Variants in AHNAK observed in about 807,000 individuals in gnomAD.
The protein encoded by AHNAK is neuroblast differentiation-associated protein AHNAK.
In AHNAK, 23 loss-of-function variants were observed where a neutral mutation model predicts 37.8. That is an observed-to-expected ratio of 0.61 (90% CI 0.44 to 0.86). AHNAK has a LOEUF of 0.86. Ranked by LOEUF, AHNAK falls within the 40% of genes least tolerant of loss-of-function variation. AHNAK has a pLI of 0.00. For synonymous variants in AHNAK, 2,481 were observed against 2,636.3 expected (o/e 0.94, Z 1.80); for missense variants, 7,411 against 7,319.4 (o/e 1.01, Z -0.46).
At chr11:62,450,977 G>A (rs1462584074) in intron 5 of AHNAK, among the ~76,000 whole-genome samples, 1 of 151,800 alleles carries the variant, frequency 6.6e-6, no homozygotes, top group Non-Finnish European at 1.5e-5. Flanking sequence ...AGGCCAAGGC[G>A]GGAGGAGAAG....
Position 62,517,056 on chromosome 11 carries a change from T to C in AHNAK, c.17361A>G (p.Arg5787=). 6.2e-7 allele frequency: 1 copy of C among 1,614,204 alleles called. No homozygotes were observed. The change falls in exon 5 of 5, where the codon AGA becomes AGG. Residue 5787 remains arginine, a synonymous_variant. Coordinates refer to ENST00000378024, the MANE Select transcript of AHNAK (RefSeq NM_001620.3). ...RHRSNSFSDE[R]EFSGPSTPTG... is the part of the protein sequence containing the mutation. ...TCGGGGTGGAAGGTCCAGAGAACTC[T>C]CTTTCATCACTGAATGAATTTGAGC...
intron 5 of AHNAK, among the ~76,000 whole-genome samples, chr11:62,454,868 C>CGGCA (rs1352825306): frequency 2.0e-5 from 3 of 152,014 alleles, no homozygotes; most frequent in Non-Finnish European, 2.9e-5. Context: ...AAGTTGAGAA[C>CGGCA]CCACACCTTC....
intron 5 of AHNAK, among the ~76,000 whole-genome samples, chr11:62,455,877 A>C (rs985568458): frequency 6.7e-6 from 1 of 149,794 alleles, no homozygotes; most frequent in Non-Finnish European, 1.5e-5. Context: ...AAAAAAAAAA[A>C]AACTATACAA....
At position 62,529,008 on chromosome 11, in the gene AHNAK, C is replaced by A. The variant is rs1940621084; in HGVS notation, c.5409G>T (p.Val1803=). Residue 1803 remains valine (V), a synonymous_variant, in exon 5 of 5, where the codon GTG becomes GTT. Transcript: ENST00000378024. ...PKLKGEIDAS[V]PELEGDLRGP... is the part of the protein sequence containing the mutation. ...CTCTGAGATCACCTTCCAGTTCTGG[C>A]ACAGAAGCATCTATCTCTCCCTTCA... 1.9e-6 allele frequency: 3 copies of A among 1,614,060 alleles called. No individual in the cohort carries two copies. Among genetic ancestry groups the A allele is most frequent in the African/African-American group, 1.3e-5 (1 of 74,910 alleles).
At position 62,477,496 on chromosome 11, in the gene AHNAK, A is replaced by AC. The variant is rs373091364; in HGVS notation, c.442+14235dup. Among the ~76,000 whole-genome samples, 339 of 152,204 alleles carry AC rather than the reference A, an allele frequency of 2.2e-3. 1 individual carries two copies. The highest frequency in any genetic ancestry group is 7.6e-3 in the African/African-American group (315 of 41,516). ...ACCTATGTAGCAAACATTCACATGC[A>AC]CCCCCGAACCTAAAATAAAAGTTAT... On this transcript the variant is annotated intron_variant, in intron 5 of 5. Transcript: ENST00000257247.
intron 4 of AHNAK, among the ~76,000 whole-genome samples, chr11:62,494,693 C>T (rs1351020878): frequency 6.6e-6 from 1 of 151,966 alleles, no homozygotes; most frequent in Non-Finnish European, 1.5e-5. Context: ...ATGGCGAAAC[C>T]TTGTCTCCAC....
intron 4 of AHNAK, among the ~76,000 whole-genome samples, chr11:62,510,440 A>G (rs533143051): frequency 3.5e-4 from 53 of 152,226 alleles, no homozygotes; most frequent in Admixed American, 7.9e-4. Flanking sequence ...GATTCAGCAA[A>G]AGTAATGATA....
intron 5 of AHNAK, among the ~76,000 whole-genome samples, chr11:62,464,187 C>T (rs1565202995): frequency 6.6e-6 from 1 of 151,824 alleles, no homozygotes; most frequent in Non-Finnish European, 1.5e-5. Flanking sequence ...GCCACCATAC[C>T]CTGCTAATCT....
chr11:62,533,514 A>G lies in AHNAK; in HGVS notation c.903T>C (p.His301=). Residue 301 remains histidine (H), a synonymous_variant, in exon 5 of 5, where the codon CAT becomes CAC. Transcript: ENST00000378024. ...VQGPSLESGD[H]GKIKFPTMKV... ...TCATGGTGGGAAATTTAATTTTGCC[A>G]TGATCACCACTCTCCAGAGATGGGC... 1 of 1,614,104 alleles carries G rather than the reference A, an allele frequency of 6.2e-7. No homozygotes were observed. The highest frequency in any genetic ancestry group is 8.5e-7 in the Non-Finnish European group (1 of 1,180,020).
intron 5 of AHNAK, among the ~76,000 whole-genome samples, chr11:62,460,987 A>ATTTTTTT (rs58443970): frequency 4.8e-5 from 5 of 103,636 alleles, no homozygotes; most frequent in African/African-American, 1.9e-4. Flanking sequence ...GGCCTGGCTA[A>ATTTTTTT]TTTTTTTTTT....
Position 62,519,128 on chromosome 11 carries a change from T to C in AHNAK, c.15289A>G (p.Ile5097Val), listed in dbSNP as rs1258658128. ...TCAGCTTTAAATTTAGGTGATTTAATGTCAAACTCTACATCTGGGAAGTAC... is the reference window on the plus strand; with the variant it reads ...TCAGCTTTAAATTTAGGTGATTTAACGTCAAACTCTACATCTGGGAAGTAC... Reference protein sequence around the residue: ...KMYFPDVEFDIKSPKFKAEAP... With the variant: ...KMYFPDVEFDVKSPKFKAEAP... The change falls in exon 5 of 5, where the codon ATT becomes GTT. Residue 5097 changes from isoleucine (I) to valine (V), a missense_variant. By Grantham distance (29) the Ile-to-Val change is conservative (BLOSUM62 3). Transcript: ENST00000378024. 3 of 1,613,902 alleles carry C rather than the reference T, an allele frequency of 1.9e-6. No individual in the cohort carries two copies. Among genetic ancestry groups the C allele is most frequent in the Non-Finnish European group, 2.5e-6 (3 of 1,179,952 alleles).
intron 4 of AHNAK, among the ~76,000 whole-genome samples, chr11:62,508,764 C>G (rs1053849603): frequency 6.6e-6 from 1 of 152,216 alleles, no homozygotes; most frequent in South Asian, 2.1e-4. Context: ...ATTCCCGGCC[C>G]GTGGCAGGCA....
chr11:62,471,147 G>A (rs921551330), intron 5 of AHNAK, among the ~76,000 whole-genome samples: 2 of 152,204 alleles, frequency 1.3e-5, no homozygotes, highest in Admixed American at 6.5e-5. Context: ...TTTTCTGACT[G>A]CAAACACAGT....
chr11:62,460,180 G>T (rs994064191), intron 5 of AHNAK, among the ~76,000 whole-genome samples: 1 of 151,794 alleles, frequency 6.6e-6, no homozygotes, highest in Non-Finnish European at 1.5e-5. Flanking sequence ...CCAGCTACTC[G>T]GGAGGCTGAG....
intron 5 of AHNAK, chr11:62,491,630 C>T (rs1451347318): frequency 3.8e-5 from 43 of 1,129,326 alleles, no homozygotes; most frequent in East Asian, 5.1e-5. Context: ...TATCCTTCCA[C>T]GTGTGGCTTC....
In AHNAK at chr11:62,527,031, G is replaced by C. The variant is rs766181373; in HGVS notation, c.7386C>G (p.Leu2462=). The change falls in exon 5 of 5, where the codon CTC becomes CTG. Residue 2462 remains leucine, a synonymous_variant. Transcript: ENST00000378024. ...NISMPDVDLN[L]KGPKIKGDVD... ...CATCCCCCTTGATTTTGGGTCCTTT[G>C]AGATTTAGATCAACATCAGGCATAG... 1.9e-6 allele frequency: 3 copies of C among 1,613,926 alleles called. No individual in the cohort carries two copies. Among genetic ancestry groups the C allele is most frequent in the Non-Finnish European group, 2.5e-6 (3 of 1,179,948 alleles).
At chr11:62,447,473 G>A (rs548595442) in intron 5 of AHNAK, among the ~76,000 whole-genome samples, 72 of 152,280 alleles carry the variant, frequency 4.7e-4, no homozygotes, top group Non-Finnish European at 9.4e-4. Flanking sequence ...GCCTTTGAAC[G>A]CATCATGTGA....
chr11:62,523,461 T>G lies in AHNAK; in HGVS notation c.10956A>C (p.Ala3652=). The G allele has an allele frequency of 6.2e-7, 1 of 1,613,306 alleles. No homozygotes were observed. The highest frequency in any genetic ancestry group is 1.7e-5 in the Admixed American group (1 of 59,896). Residue 3652 remains alanine, a synonymous_variant, in exon 5 of 5, where the codon GCA becomes GCC. Transcript: ENST00000378024. Reference sequence around the variant, plus strand: ...TCTTGAACTTGGGGCCCTTCAGCTTTGCATCTGGACCTTCAATATTCACGT... The same window carrying G: ...TCTTGAACTTGGGGCCCTTCAGCTTGGCATCTGGACCTTCAATATTCACGT... ...VPDVNIEGPD[A]KLKGPKFKMP... is the part of the protein sequence containing the mutation.
At chr11:62,463,175 G>C (rs980478660) in intron 5 of AHNAK, among the ~76,000 whole-genome samples, 3 of 149,596 alleles carry the variant, frequency 2.0e-5, no homozygotes, top group African/African-American at 7.4e-5. Flanking sequence ...CCATCTGCCA[G>C]TCCTACAGAC....
Sources: allele counts gnomAD v4.1 joint callset (sites outside exome capture counted in the v4.1 genomes callset), GRCh38; gene constraint gnomAD v4.1.1; transcripts MANE v1.5; gene names NCBI Gene and HGNC (gene_info 2026-07-23, HGNC 2026-07-21).